Variants in TERF2IP observed in about 807,000 individuals in gnomAD.
TERF2IP encodes TERF2 interacting protein, also known as telomeric repeat-binding factor 2-interacting protein 1.
A neutral mutation model predicts 33.3 loss-of-function variants in TERF2IP; 35 were observed. The ratio of observed to expected loss-of-function variants is 1.05; its 90% confidence interval spans 0.80 to 1.39. The LOEUF (loss-of-function observed/expected upper bound fraction) is 1.39, where lower values mean the gene tolerates loss of function less well. TERF2IP is among the 40% of genes most tolerant of loss of function. The probability of loss-of-function intolerance (pLI) is 0.00; values close to 1 mark genes in which losing one functional copy is unlikely to be tolerated. For synonymous variants in TERF2IP, 253 were observed against 223.2 expected (o/e 1.13, Z -1.19); for missense variants, 583 against 524.8 (o/e 1.11, Z -1.08).
rs769928239 is a variant in TERF2IP, at chr16:75,648,072, C to T, written c.190C>T (p.Leu64=). ...AGTGCAGGAGCCCGGGGCCGTGCTG[C>T]TGGCCCAGCCCGGGGAGGCGCTGGC... ...CRVQEPGAVL[L]AQPGEALAEA... is the part of the protein sequence containing the mutation. The change falls in exon 1 of 3, where the codon CTG becomes TTG. Residue 64 remains leucine (L), a synonymous_variant. Transcript: ENST00000300086. 1.9e-6 allele frequency: 3 copies of T among 1,580,958 alleles called. No individual in the cohort carries two copies. The South Asian group carries it at 3.4e-5, about 18-fold the overall frequency.
At position 75,648,401 on chromosome 16, in the gene TERF2IP, G is replaced by T. The variant is rs767635459; in HGVS notation, c.519G>T (p.Thr173=). 149 of 1,607,472 alleles carry T rather than the reference G, an allele frequency of 9.3e-5. No individual in the cohort carries two copies. Among genetic ancestry groups the T allele is most frequent in the Non-Finnish European group, 1.2e-4 (145 of 1,177,488 alleles). ...LWKAMEKSSL[T]QHSWQSLKDR... is the part of the protein sequence containing the mutation. ...AAGCGATGGAGAAGAGCTCGCTCAC[G>T]CAGCACTCGTGGCAGTCCCTGAAGG... The change falls in exon 1 of 3, where the codon ACG becomes ACT. Residue 173 remains threonine, a synonymous_variant. Transcript: ENST00000300086.
intron 2 of TERF2IP, among the ~76,000 whole-genome samples, chr16:75,655,662 T>G (rs1460089327): frequency 6.6e-6 from 1 of 152,254 alleles, no homozygotes. Context: ...TAGCATGCTT[T>G]GTAATCTGTC....
intron 1 of TERF2IP, among the ~76,000 whole-genome samples, chr16:75,650,120 G>T (rs1224843735): frequency 3.9e-5 from 6 of 152,178 alleles, no homozygotes; most frequent in Non-Finnish European, 8.8e-5. Context: ...TTGTGGTCCT[G>T]CTGGAATATA....
chr16:75,648,548 C>T lies in TERF2IP; in HGVS notation c.666C>T (p.Ser222=), dbSNP rs752149885. The T allele has an allele frequency of 1.3e-6, 2 of 1,553,378 alleles. No homozygotes were observed. Among genetic ancestry groups the T allele is most frequent in the Non-Finnish European group, 8.7e-7 (1 of 1,146,372 alleles). ...KAEEDPEAAD[S]GEPQNKRTPD... ...AGGAGGACCCGGAGGCCGCGGATAG[C>T]GGGGGTGAGGAGGCTGAGCGCGGGG... Residue 222 remains serine, a synonymous_variant, in exon 1 of 3, where the codon AGC becomes AGT. Coordinates refer to ENST00000300086, the MANE Select transcript of TERF2IP (RefSeq NM_018975.4).
chr16:75,649,725 T>A (rs143755294), intron 1 of TERF2IP, among the ~76,000 whole-genome samples: 243 of 152,316 alleles, frequency 1.6e-3, no homozygotes, highest in African/African-American at 5.8e-3. Context: ...CGTAACTGAA[T>A]GCCTATGGAC....
chr16:75,655,458 C>A (rs1206813571), intron 2 of TERF2IP, among the ~76,000 whole-genome samples: 1 of 152,120 alleles, frequency 6.6e-6, no homozygotes, highest in Non-Finnish European at 1.5e-5. Flanking sequence ...TCAGTCCAAA[C>A]AAGGGAAATA....
At chr16:75,650,729 A>G (rs774784665) in intron 1 of TERF2IP, among the ~76,000 whole-genome samples, 4 of 151,838 alleles carry the variant, frequency 2.6e-5, no homozygotes, top group Non-Finnish European at 5.9e-5. Flanking sequence ...TAGAGACAGG[A>G]TTTGGCCGTG....
Position 75,648,422 on chromosome 16 carries a change from G to T in TERF2IP, c.540G>T (p.Leu180=). The change falls in exon 1 of 3, where the codon CTG becomes CTT. Residue 180 remains leucine, a synonymous_variant. Coordinates refer to ENST00000300086, the MANE Select transcript of TERF2IP (RefSeq NM_018975.4). ...TCACGCAGCACTCGTGGCAGTCCCTGAAGGACCGCTACCTCAAGCACCTGC... is the reference window on the plus strand; with the variant it reads ...TCACGCAGCACTCGTGGCAGTCCCTTAAGGACCGCTACCTCAAGCACCTGC... ...SSLTQHSWQS[L]KDRYLKHLRG... is the part of the protein sequence containing the mutation. 1 of 1,605,954 alleles carries T rather than the reference G, an allele frequency of 6.2e-7. No individual in the cohort carries two copies. Among genetic ancestry groups the T allele is most frequent in the Non-Finnish European group, 8.5e-7 (1 of 1,176,834 alleles).
In TERF2IP at chr16:75,648,534, G is replaced by A. The variant is rs758606101; in HGVS notation, c.652G>A (p.Glu218Lys). Residue 218 changes from glutamate to lysine, a missense_variant, in exon 1 of 3, where the codon GAG (glutamate) becomes AAG (lysine). Coordinates refer to ENST00000300086, the MANE Select transcript of TERF2IP (RefSeq NM_018975.4). Reference sequence around the variant, plus strand: ...CAAGCGGAAGGCGGAGGAGGACCCGGAGGCCGCGGATAGCGGGGGTGAGGA... The same window carrying A: ...CAAGCGGAAGGCGGAGGAGGACCCGAAGGCCGCGGATAGCGGGGGTGAGGA... ...KLKRKAEEDP[E>K]AADSGEPQNK... 1 of 1,564,530 alleles carries A rather than the reference G, an allele frequency of 6.4e-7. No homozygotes were observed. The highest frequency in any genetic ancestry group is 2.3e-5 in the East Asian group (1 of 43,380).
At chr16:75,654,955 C>A (rs982136443) in intron 2 of TERF2IP, among the ~76,000 whole-genome samples, 8 of 152,278 alleles carry the variant, frequency 5.3e-5, no homozygotes, top group Admixed American at 4.6e-4. Context: ...GCCTCGATCT[C>A]CTGACCTCGT....
chr16:75,652,088 C>G (rs938012634), intron 1 of TERF2IP, among the ~76,000 whole-genome samples: 1 of 152,054 alleles, frequency 6.6e-6, no homozygotes, highest in Non-Finnish European at 1.5e-5. Flanking sequence ...CAGTTTTGTT[C>G]TAGGAATTTA....
At chr16:75,652,487 T>G (rs1054062914) in intron 1 of TERF2IP, among the ~76,000 whole-genome samples, 1 of 152,252 alleles carries the variant, frequency 6.6e-6, no homozygotes, top group South Asian at 2.1e-4. Flanking sequence ...CACCTGATTT[T>G]AGTTCATGGC....
At position 75,648,171 on chromosome 16, in the gene TERF2IP, G is replaced by C; in HGVS notation, c.289G>C (p.Glu97Gln). 1 of 1,564,700 alleles carries C rather than the reference G, an allele frequency of 6.4e-7. No individual in the cohort carries two copies. Among genetic ancestry groups the C allele is most frequent in the Non-Finnish European group, 8.6e-7 (1 of 1,157,460 alleles). Residue 97 changes from glutamate (E) to glutamine (Q), a missense_variant, in exon 1 of 3, where the codon GAG (glutamate) becomes CAG (glutamine). Physicochemically the swap from Glu to Gln is conservative, Grantham distance 29 (BLOSUM62 2). Coordinates refer to ENST00000300086, the MANE Select transcript of TERF2IP (RefSeq NM_018975.4). ...GGAGCGCAACGAGAGGCTGGAGCTGGAGGCCTATCGGCTGGGCCCCGCCTC... is the reference window on the plus strand; with the variant it reads ...GGAGCGCAACGAGAGGCTGGAGCTGCAGGCCTATCGGCTGGGCCCCGCCTC... ...CVERNERLEL[E>Q]AYRLGPASAA... is the part of the protein sequence containing the mutation.
chr16:75,656,487 A>G lies in TERF2IP; in HGVS notation c.1076A>G (p.Tyr359Cys), dbSNP rs754861411. 2.5e-6 allele frequency: 4 copies of G among 1,614,220 alleles called. No homozygotes were observed. Among genetic ancestry groups the G allele is most frequent in the Non-Finnish European group, 3.4e-6 (4 of 1,180,048 alleles). ...GCGTCTGGTCAGAGAGCTGATGGAT[A>G]TCCCATTTGGTCCCGACAAGATGAC... ...FLASGQRADG[Y>C]PIWSRQDDID... The change falls in exon 3 of 3, where the codon TAT becomes TGT. Residue 359 changes from tyrosine to cysteine, a missense_variant. Physicochemically the swap from Tyr to Cys is radical, Grantham distance 194. Transcript: ENST00000300086.
chr16:75,655,522 G>A (rs1234562519), intron 2 of TERF2IP, among the ~76,000 whole-genome samples: 1 of 152,160 alleles, frequency 6.6e-6, no homozygotes. Context: ...TTGAAGGGAT[G>A]CACAGGAATT....
chr16:75,655,545 G>C (rs2082378221), intron 2 of TERF2IP, among the ~76,000 whole-genome samples: 2 of 152,148 alleles, frequency 1.3e-5, no homozygotes, highest in Non-Finnish European at 2.9e-5. Flanking sequence ...CAGGATTTAG[G>C]GATTGTTGCC....
In TERF2IP at chr16:75,647,795, G is replaced by A; in HGVS notation, c.-88G>A. On this transcript the variant is annotated 5_prime_UTR_variant, in exon 1 of 3. Transcript: ENST00000300086. ...CCCAGTGCTGCGCTTCGCGGCAGAG[G>A]CGTCTGCGGTGACAGCTCAGTCAGT... 6.3e-7 allele frequency: 1 copy of A among 1,586,514 alleles called. No homozygotes were observed. The highest frequency in any genetic ancestry group is 8.6e-7 in the Non-Finnish European group (1 of 1,158,362).
rs4888444 is a variant in TERF2IP, at chr16:75,656,381, A to G, written c.970A>G (p.Lys324Glu). 0.041 allele frequency: 66,325 copies of G among 1,614,148 alleles called. 1,560 individuals are homozygous for G. The highest frequency in any genetic ancestry group is 0.065 in the Middle Eastern group (393 of 6,062). Reference sequence around the variant, plus strand: ...TAAGATCATTCGGCAGTTAATGGAGAAGTTTAACTTGGATCTATCAACAGT... The same window carrying G: ...TAAGATCATTCGGCAGTTAATGGAGGAGTTTAACTTGGATCTATCAACAGT... ...AIKIIRQLME[K>E]FNLDLSTVTQ... The change falls in exon 3 of 3, where the codon AAG becomes GAG. Residue 324 changes from lysine to glutamate, a missense_variant. By Grantham distance (56) the Lys-to-Glu change is moderately conservative. Coordinates refer to ENST00000300086, the MANE Select transcript of TERF2IP (RefSeq NM_018975.4).
At chr16:75,649,175 T>A (rs1301233693) in intron 1 of TERF2IP, among the ~76,000 whole-genome samples, 1 of 152,240 alleles carries the variant, frequency 6.6e-6, no homozygotes, top group African/African-American at 2.4e-5. Context: ...CTTCTTGGTC[T>A]AGTTTTAATT....
Sources: gnomAD v4.1 joint callset for allele counts (sites outside exome capture counted in the v4.1 genomes callset) on GRCh38, gnomAD v4.1.1 for gene constraint, MANE v1.5 for transcripts, NCBI Gene and HGNC (gene_info 2026-07-23, HGNC 2026-07-21) for gene names.